The following TMPRSS9 variants were observed in gnomAD, a reference collection of about 807,000 sequenced individuals.
The protein encoded by TMPRSS9 is transmembrane serine protease 9, also known as transmembrane protease serine 9.
In TMPRSS9, 113 loss-of-function variants were observed where a neutral mutation model predicts 111.4. The observed-to-expected ratio is 1.01, with a 90% CI of 0.87 to 1.19. The LOEUF (loss-of-function observed/expected upper bound fraction) is 1.19, where lower values mean the gene tolerates loss of function less well. Among genes scored for constraint, TMPRSS9 ranks in the 50% most tolerant of loss-of-function variants. TMPRSS9 has a pLI of 0.00. For missense variants in TMPRSS9, 1,803 were observed against 1,513.1 expected (o/e 1.19, Z -3.18); for synonymous variants, 805 against 659.1 (o/e 1.22, Z -3.39).
At chr19:2,425,448 C>A (rs753396406) in exon 17 of TMPRSS9, 2 of 1,592,260 alleles carry the variant, frequency 1.3e-6, no homozygotes, top group South Asian at 2.2e-5. Context: ...TCAGCAGCCG[C>A]ATGCTGTGTG....
At chr19:2,379,181 CTTTTTTTTTT>C (rs919990556) in intron 1 of TMPRSS9, among the ~76,000 whole-genome samples, 3 of 99,422 alleles carry the variant, frequency 3.0e-5, no homozygotes, top group African/African-American at 4.7e-5. Context: ...GCTTCTTTCT[CTTTTTTTTTT>C]TTTTTTTTTT....
intron 1 of TMPRSS9, among the ~76,000 whole-genome samples, chr19:2,373,508 G>T (rs922175954): frequency 6.6e-6 from 1 of 152,082 alleles, no homozygotes; most frequent in African/African-American, 2.4e-5. Flanking sequence ...GGGATTACAG[G>T]CGTGTACCAC....
intron 1 of TMPRSS9, among the ~76,000 whole-genome samples, chr19:2,390,302 GT>G (rs1970560783): frequency 1.1e-5 from 1 of 92,784 alleles, no homozygotes; most frequent in Non-Finnish European, 2.5e-5. Flanking sequence ...GTGCAGTGGT[GT>G]GATATCTCGG....
chr19:2,408,029 G>T (rs868855721), intron 7 of TMPRSS9, among the ~76,000 whole-genome samples: 1 of 151,906 alleles, frequency 6.6e-6, no homozygotes, highest in African/African-American at 2.4e-5. Context: ...TGATCCTCCC[G>T]CCTCAGCCTC....
chr19:2,394,045 C>G (rs554385228), intron 1 of TMPRSS9, among the ~76,000 whole-genome samples: 58 of 151,914 alleles, frequency 3.8e-4, no homozygotes, highest in Non-Finnish European at 6.3e-4. Context: ...TACTAAAATA[C>G]AAAAAACATT....
intron 10 of TMPRSS9, chr19:2,414,235 A>G (rs975684810): frequency 7.8e-6 from 4 of 514,428 alleles, no homozygotes; most frequent in African/African-American, 1.9e-5. Context: ...CGATCTATCA[A>G]TGGGATACTT....
intron 15 of TMPRSS9, 39 bp from the exon 17 acceptor site, chr19:2,424,963 G>A (rs148871041): frequency 0.081 from 115,730 of 1,430,624 alleles, 5,318 homozygotes; most frequent in South Asian, 0.16. Flanking sequence ...CCGGGGGCGT[G>A]GGGGCTCGGG....
exon 18 of TMPRSS9, chr19:2,426,163 A>G (rs1199384336): frequency 1.6e-6 from 2 of 1,250,666 alleles, no homozygotes; most frequent in Admixed American, 6.0e-5. Context: ...ACCCCACCCC[A>G]CCGTACCCTA....
In TMPRSS9 at chr19:2,425,197, C is replaced by T. The variant is rs781222105; in HGVS notation, c.2913C>T (p.Pro971=). 2.7e-5 allele frequency: 41 copies of T among 1,520,824 alleles called. No homozygotes were observed. The South Asian group carries it at 4.5e-4, about 17-fold the overall frequency. 94.2% of individuals were successfully genotyped at this position (1,520,824 alleles called of 1,614,324 possible). A position where few individuals can be genotyped will look rare whatever the true frequency, so the allele number is the denominator to read the frequency against. ...GCCTGGTGCGTCCCATCTGCCTGCC[C>T]GAGCCCGCGCCGCGACCCCCGGACG... is the stretch of plus-strand genomic sequence containing the variant. The change falls in exon 16 of 18, where the codon CCC becomes CCT. Residue 971 remains proline (P), a synonymous_variant. Coordinates refer to ENST00000648592, the Ensembl canonical transcript of TMPRSS9.
At chr19:2,364,766 A>G (rs1482057109) in intron 1 of TMPRSS9, among the ~76,000 whole-genome samples, 1 of 151,856 alleles carries the variant, frequency 6.6e-6, no homozygotes, top group Non-Finnish European at 1.5e-5. Context: ...CGGGCCGATC[A>G]TGAGGTCAGG....
chr19:2,376,705 C>G lies in TMPRSS9; in HGVS notation c.-25-13056C>G, dbSNP rs149173282. ...AAACTGACCTCAAATGATCCGCTCT[C>G]CTTGGCCTCCCAAAGTGCTGGGATT... On this transcript the variant is annotated intron_variant, in intron 1 of 17. Coordinates refer to the TMPRSS9 transcript ENST00000649857. Among the ~76,000 whole-genome samples, 348 of 152,288 alleles carry G rather than the reference C, an allele frequency of 2.3e-3. 1 individual carries two copies. The highest frequency in any genetic ancestry group is 8.1e-3 in the African/African-American group (336 of 41,566).
chr19:2,395,738 T>C (rs1325473805), intron 1 of TMPRSS9, among the ~76,000 whole-genome samples: 1 of 151,776 alleles, frequency 6.6e-6, no homozygotes, highest in African/African-American at 2.4e-5. Flanking sequence ...CCGGGTGTGG[T>C]GGCTCACGCC....
At chr19:2,419,147 C>T (rs201083963) in intron 13 of TMPRSS9, among the ~76,000 whole-genome samples, 2 of 119,048 alleles carry the variant, frequency 1.7e-5, no homozygotes, top group Admixed American at 9.1e-5. Flanking sequence ...CCCTTTCCTT[C>T]CCTTCCCTCC....
At chr19:2,380,914 C>T (rs757496726) in intron 1 of TMPRSS9, among the ~76,000 whole-genome samples, 1 of 152,134 alleles carries the variant, frequency 6.6e-6, no homozygotes, top group Non-Finnish European at 1.5e-5. Context: ...CCACTGGAGG[C>T]TTACTCAATT....
chr19:2,380,424 C>T (rs147148402), intron 1 of TMPRSS9, among the ~76,000 whole-genome samples: 4,410 of 151,630 alleles, frequency 0.029, 85 homozygotes, highest in Non-Finnish European at 0.043. Flanking sequence ...GGCAAAACCC[C>T]GTCTCTACTA....
chr19:2,380,303 A>C (rs533133394), intron 1 of TMPRSS9, among the ~76,000 whole-genome samples: 36 of 150,372 alleles, frequency 2.4e-4, no homozygotes, highest in African/African-American at 6.4e-4. Flanking sequence ...CAACAAAAAA[A>C]CCCCACAAAA....
exon 14 of TMPRSS9, chr19:2,421,898 G>C: frequency 6.2e-7 from 1 of 1,612,536 alleles, no homozygotes; most frequent in Non-Finnish European, 8.5e-7. Context: ...CCCCTGGCGT[G>C]TTTTATCTGG....
chr19:2,409,929 CA>C (rs988472345), intron 8 of TMPRSS9, among the ~76,000 whole-genome samples: 4 of 151,892 alleles, frequency 2.6e-5, no homozygotes, highest in Admixed American at 2.6e-4. Context: ...GACCTGAGGC[CA>C]ACTTGGAATT....
chr19:2,388,592 T>C (rs2145277703), upstream of TMPRSS9, among the ~76,000 whole-genome samples: 1 of 152,248 alleles, frequency 6.6e-6, no homozygotes, highest in East Asian at 1.9e-4. Context: ...ACTTCTGACT[T>C]TCAGAACTGT....
Sources: gnomAD v4.1 joint callset for allele counts (sites outside exome capture counted in the v4.1 genomes callset) on GRCh38, gnomAD v4.1.1 for gene constraint, MANE v1.5 for transcripts, NCBI Gene and HGNC (gene_info 2026-07-23, HGNC 2026-07-21) for gene names.